Variants in HHAT observed in about 807,000 individuals in gnomAD.
HHAT encodes hedgehog acyltransferase, also known as protein-cysteine N-palmitoyltransferase HHAT.
HHAT carries 47 observed loss-of-function variants against 70.8 expected under a neutral mutation model. The observed-to-expected ratio is 0.66, with a 90% confidence interval of 0.53 to 0.85. The LOEUF is 0.85. HHAT is among the 40% of genes least tolerant of loss of function. The probability of loss-of-function intolerance (pLI) is 0.00; values close to 1 mark genes in which losing one functional copy is unlikely to be tolerated. For missense variants in HHAT, 609 were observed against 604.8 expected, an observed-to-expected ratio of 1.01 and a Z score of -0.07; for synonymous variants, 228 against 247.6, an observed-to-expected ratio of 0.92 and a Z score of 0.74.
chr1:210,588,910 T>C (rs918624668), intron 10 of HHAT: 1 of 152,224 alleles, frequency 6.6e-6, no homozygotes, highest in African/African-American at 2.4e-5. Context: ...AGGAAAATGA[T>C]TTGGAAAATC....
At chr1:210,340,848 A>T (rs574448375) in intron 1 of HHAT, among the ~76,000 whole-genome samples, 75 of 152,286 alleles carry the variant, frequency 4.9e-4, no homozygotes, top group Non-Finnish European at 9.0e-4. Flanking sequence ...ACACTCTGTA[A>T]GAATAGTGAG....
At position 210,328,963 on chromosome 1, in the gene HHAT, T is replaced by TC; in HGVS notation, c.-183dup. The TC allele has an allele frequency of 7.8e-7, 1 of 1,288,196 alleles. No individual in the cohort carries two copies. Among genetic ancestry groups the TC allele is most frequent in the Non-Finnish European group, 1.0e-6 (1 of 1,003,870 alleles). 79.8% of individuals were successfully genotyped at this position (1,288,196 alleles called of 1,614,324 possible). A position where few individuals can be genotyped will look rare whatever the true frequency, so the allele number is the denominator to read the frequency against. On this transcript the variant is annotated 5_prime_UTR_variant, in exon 1 of 12. Coordinates refer to ENST00000261458, the MANE Select transcript of HHAT (RefSeq NM_018194.6). ...CTGCGCTGCTCCTCCAAAGGGCAGC[T>TC]CCGGGGGAAAGAGGGTGGCGTCCCG...
chr1:210,382,596 TAATA>T (rs1383819420), intron 3 of HHAT, among the ~76,000 whole-genome samples: 1 of 152,150 alleles, frequency 6.6e-6, no homozygotes, highest in East Asian at 1.9e-4. Context: ...AAAAGTGATA[TAATA>T]AATATGCCAT....
At chr1:210,408,239 G>C (rs2148229019) in intron 6 of HHAT, among the ~76,000 whole-genome samples, 1 of 152,286 alleles carries the variant, frequency 6.6e-6, no homozygotes, top group Non-Finnish European at 1.5e-5. Flanking sequence ...CTGGAGTGCA[G>C]TGGCACAACT....
chr1:210,661,589 GAC>G (rs1677728844), intron 11 of HHAT, among the ~76,000 whole-genome samples: 1 of 152,186 alleles, frequency 6.6e-6, no homozygotes, highest in African/African-American at 2.4e-5. Flanking sequence ...CTGCTATAAA[GAC>G]ACATGCACAC....
In HHAT at chr1:210,363,926, G is replaced by A. The variant is rs150102694; in HGVS notation, c.159+1007G>A. ...CTTTTGCAAGACAGTTCATTTCCAA[G>A]TTGGGTACTGCCTGTACTAATATTT... is the stretch of plus-strand genomic sequence containing the variant. On this transcript the variant is annotated intron_variant, in intron 3 of 11. Transcript: ENST00000261458. Among the ~76,000 whole-genome samples, 202 of 152,288 alleles carry A rather than the reference G, an allele frequency of 1.3e-3. 2 individuals carry two copies. The highest frequency in any genetic ancestry group is 4.6e-3 in the African/African-American group (192 of 41,556).
chr1:210,501,427 T>C (rs1056415287), intron 8 of HHAT, among the ~76,000 whole-genome samples: 5 of 152,204 alleles, frequency 3.3e-5, no homozygotes, highest in African/African-American at 9.7e-5. Context: ...ACTCAAGATA[T>C]TTTGGGTGGC....
chr1:210,446,881 T>G (rs11119500), intron 7 of HHAT, among the ~76,000 whole-genome samples: 112,107 of 152,076 alleles, frequency 0.74, 41,509 homozygotes, highest in South Asian at 0.79. Flanking sequence ...AATTTTCCTC[T>G]TTTGTCTGCC....
intron 6 of HHAT, among the ~76,000 whole-genome samples, chr1:210,407,725 G>A (rs776092140): frequency 8.5e-5 from 13 of 152,262 alleles, no homozygotes; most frequent in Non-Finnish European, 1.8e-4. Flanking sequence ...TGTGGAACTC[G>A]GATACCAAGT....
intron 8 of HHAT, among the ~76,000 whole-genome samples, chr1:210,470,196 G>A (rs1323928192): frequency 1.3e-5 from 2 of 152,190 alleles, no homozygotes; most frequent in African/African-American, 4.8e-5. Flanking sequence ...CCGATAGGGT[G>A]CTAAGTGTTG....
At chr1:210,632,058 C>T (rs1206398581) in intron 11 of HHAT, among the ~76,000 whole-genome samples, 4 of 152,194 alleles carry the variant, frequency 2.6e-5, no homozygotes, top group South Asian at 2.1e-4. Flanking sequence ...ACTAACCTAA[C>T]TCTCCCAGCT....
At chr1:210,377,389 C>T (rs747238238) in intron 3 of HHAT, among the ~76,000 whole-genome samples, 8 of 151,980 alleles carry the variant, frequency 5.3e-5, no homozygotes, top group Non-Finnish European at 8.8e-5. Flanking sequence ...GAAAATAATA[C>T]AGTTTTGTGC....
At chr1:210,671,581 T>C (rs1680093037) in intron 11 of HHAT, among the ~76,000 whole-genome samples, 1 of 152,128 alleles carries the variant, frequency 6.6e-6, no homozygotes, top group East Asian at 1.9e-4. Flanking sequence ...AATCCAATGA[T>C]TGGTGCCCTT....
At chr1:210,390,506 A>AT (rs530575968) in intron 4 of HHAT, among the ~76,000 whole-genome samples, 3 of 151,990 alleles carry the variant, frequency 2.0e-5, no homozygotes, top group Non-Finnish European at 4.4e-5. Context: ...GTAGGGAGAG[A>AT]TTTTTTTTCT....
At chr1:210,607,066 A>C (rs145476938) in intron 10 of HHAT, among the ~76,000 whole-genome samples, 8 of 152,102 alleles carry the variant, frequency 5.3e-5, no homozygotes, top group Non-Finnish European at 1.2e-4. Flanking sequence ...CTCGTGCTCT[A>C]TATGTTTATT....
At chr1:210,594,417 T>A (rs979997717) in intron 10 of HHAT, among the ~76,000 whole-genome samples, 1 of 152,214 alleles carries the variant, frequency 6.6e-6, no homozygotes, top group Non-Finnish European at 1.5e-5. Context: ...AACAAATTAA[T>A]AAGCAAAGAG....
At chr1:210,373,715 G>A (rs1196232123) in intron 3 of HHAT, among the ~76,000 whole-genome samples, 1 of 152,226 alleles carries the variant, frequency 6.6e-6, no homozygotes, top group African/African-American at 2.4e-5. Context: ...AAGCTGATCA[G>A]TGGAATTGAT....
intron 6 of HHAT, among the ~76,000 whole-genome samples, chr1:210,406,102 G>A (rs2092318428): frequency 6.6e-6 from 1 of 152,106 alleles, no homozygotes; most frequent in Non-Finnish European, 1.5e-5. Flanking sequence ...GAGGGTGGGA[G>A]TAAAGGTAAG....
At chr1:210,613,348 G>A (rs1373068410) in intron 10 of HHAT, among the ~76,000 whole-genome samples, 1 of 152,142 alleles carries the variant, frequency 6.6e-6, no homozygotes, top group Non-Finnish European at 1.5e-5. Flanking sequence ...AGAACCATTT[G>A]TTGGAAAGAC....
Sources: gnomAD v4.1 joint callset for allele counts (sites outside exome capture counted in the v4.1 genomes callset) on GRCh38, gnomAD v4.1.1 for gene constraint, MANE v1.5 for transcripts, NCBI Gene and HGNC (gene_info 2026-07-23, HGNC 2026-07-21) for gene names.